SESN1: variants seen among roughly 807,000 people sequenced by gnomAD.
SESN1 encodes the protein sestrin-1.
In SESN1, 30 loss-of-function variants were observed where a neutral mutation model predicts 59.3. The ratio of observed to expected loss-of-function variants is 0.51; its 90% confidence interval spans 0.38 to 0.69. The LOEUF (loss-of-function observed/expected upper bound fraction) is 0.69. SESN1 is among the 30% of genes least tolerant of loss of function. The pLI is 0.00. For missense variants in SESN1, 566 were observed against 673.0 expected, an observed-to-expected ratio of 0.84 and a Z score of 1.76; for synonymous variants, 197 against 219.9, an observed-to-expected ratio of 0.90 and a Z score of 0.92.
chr6:109,002,177 A>G, intron 2 of SESN1, 101 bp downstream of exon 2: 1 of 1,005,838 alleles, frequency 9.9e-7, no homozygotes, highest in Non-Finnish European at 1.5e-6. Flanking sequence ...TCTGACTAAA[A>G]CATGTTGTTG....
At position 108,998,759 on chromosome 6, in the gene SESN1, A is replaced by G. The variant is rs754194464; in HGVS notation, c.730-4T>C. 7 of 1,598,434 alleles carry G rather than the reference A, an allele frequency of 4.4e-6. No homozygotes were observed. Among genetic ancestry groups the G allele is most frequent in the Non-Finnish European group, 8.5e-7 (1 of 1,170,986 alleles). On this transcript the variant is annotated splice_region_variant and splice_polypyrimidine_tract_variant and intron_variant, in intron 4 of 9. Transcript: ENST00000436639. ...GCTCTTCAGCTTTTAAAAGTCCCTT[A>G]GGGGGAAAAAAAAAAAGAATATATT...
At chr6:109,081,442 G>A (rs1474688151) in intron 1 of SESN1, among the ~76,000 whole-genome samples, 1 of 152,126 alleles carries the variant, frequency 6.6e-6, no homozygotes. Context: ...TAACCCATCT[G>A]GGCCTTGTTT....
intron 4 of SESN1, 108 bp downstream of exon 4, chr6:109,000,383 G>C (rs937731276): frequency 3.9e-6 from 3 of 765,004 alleles, no homozygotes; most frequent in Non-Finnish European, 3.9e-6. Context: ...AGATTCAGGG[G>C]GTAGAAAATA....
At chr6:108,996,855 T>A (rs1020322372) in intron 5 of SESN1, among the ~76,000 whole-genome samples, 3 of 152,090 alleles carry the variant, frequency 2.0e-5, no homozygotes, top group African/African-American at 7.2e-5. Context: ...AATTATTCAG[T>A]GCTAAAAAGA....
chr6:109,092,529 T>C (rs904129903), intron 1 of SESN1, among the ~76,000 whole-genome samples: 1 of 152,212 alleles, frequency 6.6e-6, no homozygotes, highest in East Asian at 1.9e-4. Flanking sequence ...CAAAGTCAAG[T>C]ATCCTGACGG....
chr6:109,040,912 A>G (rs1030089711), intron 1 of SESN1, among the ~76,000 whole-genome samples: 2 of 152,002 alleles, frequency 1.3e-5, no homozygotes, highest in South Asian at 4.1e-4. Flanking sequence ...TCAGCCTCCC[A>G]AAGTGCTGGG....
At chr6:108,989,577 CTA>C (rs1006245590) in intron 8 of SESN1, among the ~76,000 whole-genome samples, 1 of 148,588 alleles carries the variant, frequency 6.7e-6, no homozygotes, top group Admixed American at 6.7e-5. Flanking sequence ...CTAGAGATAT[CTA>C]TATATAGAGA....
chr6:108,994,074 A>C lies in SESN1; in HGVS notation c.1120+388T>G, dbSNP rs147458996. Among the ~76,000 whole-genome samples the C allele has an allele frequency of 5.6e-3, 850 of 150,656 alleles. 8 individuals are homozygous for C. Among genetic ancestry groups the C allele is most frequent in the African/African-American group, 0.019 (765 of 40,982 alleles). ...ATGATCGCTTGAGCCTAAGAGTCTCAGGTTACAGTGAGCTACAATCACGCC... is the reference window on the plus strand; with the variant it reads ...ATGATCGCTTGAGCCTAAGAGTCTCCGGTTACAGTGAGCTACAATCACGCC... On this transcript the variant is annotated intron_variant, in intron 6 of 9. Coordinates refer to ENST00000436639, the MANE Select transcript of SESN1 (RefSeq NM_014454.3).
At chr6:109,085,663 A>C (rs1781202118) in intron 1 of SESN1, among the ~76,000 whole-genome samples, 1 of 152,198 alleles carries the variant, frequency 6.6e-6, no homozygotes, top group Non-Finnish European at 1.5e-5. Context: ...TTTCTCACTT[A>C]ATGTAGTAAA....
chr6:109,006,753 CAT>C (rs1326144521), intron 1 of SESN1, among the ~76,000 whole-genome samples: 1 of 152,140 alleles, frequency 6.6e-6, no homozygotes, highest in African/African-American at 2.4e-5. Context: ...TTCTTGGTCA[CAT>C]GTTAAATTGG....
intron 1 of SESN1, among the ~76,000 whole-genome samples, chr6:109,010,030 G>T (rs1355774198): frequency 6.6e-6 from 1 of 152,110 alleles, no homozygotes; most frequent in Non-Finnish European, 1.5e-5. Flanking sequence ...CAGAATGCAG[G>T]ACTTTGGCCT....
chr6:109,022,432 TTTTTTTTTGA>T (rs1780026767), intron 1 of SESN1, among the ~76,000 whole-genome samples: 1 of 140,562 alleles, frequency 7.1e-6, no homozygotes, highest in Admixed American at 7.1e-5. Flanking sequence ...TTTTTTTTTT[TTTTTTTTTGA>T]GATGGAATCT....
intron 1 of SESN1, among the ~76,000 whole-genome samples, chr6:109,025,614 G>A (rs1780079490): frequency 6.7e-6 from 1 of 150,188 alleles, no homozygotes; most frequent in Non-Finnish European, 1.5e-5. Flanking sequence ...AGAAAGTATG[G>A]GTGAGAAACA....
intron 1 of SESN1, among the ~76,000 whole-genome samples, chr6:109,078,938 G>A (rs1443050245): frequency 1.3e-5 from 2 of 151,992 alleles, no homozygotes; most frequent in East Asian, 3.8e-4. Flanking sequence ...ATAATATATT[G>A]TATGAAATGA....
At chr6:109,054,903 C>T (rs577800131) in intron 1 of SESN1, among the ~76,000 whole-genome samples, 19 of 152,294 alleles carry the variant, frequency 1.2e-4, no homozygotes, top group South Asian at 1.2e-3. Context: ...CTTGCTTTTA[C>T]GCTTTAAAAG....
At chr6:109,085,310 T>C (rs56054577) in intron 1 of SESN1, among the ~76,000 whole-genome samples, 1 of 151,748 alleles carries the variant, frequency 6.6e-6, no homozygotes, top group Admixed American at 6.6e-5. Context: ...ACAAGGTGAG[T>C]AGATCGAGAC....
intron 1 of SESN1, among the ~76,000 whole-genome samples, chr6:109,047,839 G>A (rs1350794927): frequency 6.8e-6 from 1 of 146,322 alleles, no homozygotes; most frequent in Non-Finnish European, 1.5e-5. Context: ...TCCACTCAGG[G>A]TTAAATGGAT....
Position 109,029,090 on chromosome 6 carries a change from T to G in SESN1, c.280-26747A>C, listed in dbSNP as rs200044243. ...ATGGTTTTAGGATACTTTTCTACCT[T>G]CTCTTCTTAAGGAAATTATTTACTG... On this transcript the variant is annotated intron_variant, in intron 1 of 9. Transcript: ENST00000436639. Among the ~76,000 whole-genome samples, 20 of 152,312 alleles carry G rather than the reference T, an allele frequency of 1.3e-4. No individual in the cohort carries two copies. The East Asian group carries it at 3.5e-3, about 26-fold the overall frequency.
In SESN1 at chr6:109,081,174, T is replaced by G. The variant is rs559676548; in HGVS notation, c.279+12621A>C. Among the ~76,000 whole-genome samples the G allele has an allele frequency of 4.6e-5, 7 of 152,214 alleles. No homozygotes were observed. In the South Asian group the frequency reaches 6.2e-4, roughly 14 times the overall value. On this transcript the variant is annotated intron_variant, in intron 1 of 9. Coordinates refer to ENST00000436639, the MANE Select transcript of SESN1 (RefSeq NM_014454.3). ...TTGACTTACTGCAGCCTTGACCTCC[T>G]GGGCTCAAGCAATCCTCCTACTTTA...
Sources: gnomAD v4.1 joint callset for allele counts (sites outside exome capture counted in the v4.1 genomes callset) on GRCh38, gnomAD v4.1.1 for gene constraint, MANE v1.5 for transcripts, NCBI Gene and HGNC (gene_info 2026-07-23, HGNC 2026-07-21) for gene names.